The following HLA-DMA variants were observed in gnomAD, a reference collection of about 807,000 sequenced individuals.
The protein encoded by HLA-DMA is major histocompatibility complex, class II, DM alpha, also known as HLA class II histocompatibility antigen, DM alpha chain.
Under a neutral mutation model 27.3 loss-of-function variants are expected in HLA-DMA, and 20 were observed. The ratio of observed to expected loss-of-function variants is 0.73; its 90% confidence interval spans 0.52 to 1.07. The LOEUF (loss-of-function observed/expected upper bound fraction) is 1.07. HLA-DMA is among the 50% of genes least tolerant of loss of function. The pLI is 0.00. For missense variants in HLA-DMA, 241 were observed against 321.7 expected (o/e 0.75, Z 1.92); for synonymous variants, 111 against 126.8 (o/e 0.88, Z 0.83).
chr6:32,950,308 A>G lies in HLA-DMA; in HGVS notation c.373+211T>C, dbSNP rs1375468580. The G allele has an allele frequency of 2.3e-5, 15 of 638,752 alleles. No individual in the cohort carries two copies. The highest frequency in any genetic ancestry group is 3.6e-5 in the Non-Finnish European group (13 of 361,650). The allele number at this position is 638,752 out of a possible 1,614,324, so 39.6% of individuals were successfully genotyped here. A position where few individuals can be genotyped will look rare whatever the true frequency, so the allele number is the denominator to read the frequency against. On this transcript the variant is annotated intron_variant, in intron 2 of 4. Transcript: ENST00000374843. The surrounding 1 kb of genome is among the most constrained non-coding windows in gnomAD (Gnocchi z 5.0). ...GTACCTGTTGAATTCATCACATTCAATACATAGTTCTGAATGCCTACTACA... is the reference window on the plus strand; with the variant it reads ...GTACCTGTTGAATTCATCACATTCAGTACATAGTTCTGAATGCCTACTACA...
chr6:32,950,553 C>G lies in HLA-DMA; in HGVS notation c.339G>C (p.Gly113=), dbSNP rs751738550. ...CCGGGATTTTCCCATCAAGTTTTGG[C>G]CCTATTTGCTGGATCATCCACTCGC... The part of the protein sequence containing the change: ...EFCEWMIQQI[G]PKLDGKIPVS... Residue 113 remains glycine, a synonymous_variant, in exon 2 of 5, where the codon GGG becomes GGC. Coordinates refer to ENST00000374843, the MANE Select transcript of HLA-DMA (RefSeq NM_006120.4). This position sits in a 1 kb window ranked among gnomAD's most constrained non-coding sequence, Gnocchi z 5.0. 9 of 1,613,048 alleles carry G rather than the reference C, an allele frequency of 5.6e-6. No individual in the cohort carries two copies. The Middle Eastern group carries it at 4.9e-4, about 89-fold the overall frequency.
Position 32,950,370 on chromosome 6 carries a change from G to T in HLA-DMA, c.373+149C>A. 2 of 958,372 alleles carry T rather than the reference G, an allele frequency of 2.1e-6. No individual in the cohort carries two copies. Among genetic ancestry groups the T allele is most frequent in the Non-Finnish European group, 3.2e-6 (2 of 622,346 alleles). 59.4% of individuals were successfully genotyped at this position (958,372 alleles called of 1,614,324 possible). On this transcript the variant is annotated intron_variant, in intron 2 of 4. Transcript: ENST00000374843. This position sits in a 1 kb window ranked among gnomAD's most constrained non-coding sequence, Gnocchi z 5.0. ...TCGGCCCACCAAAAGAACACAGGGT[G>T]CAGACCAAGGCTGGTGGAAAAATTA... is the stretch of plus-strand genomic sequence containing the variant.
At position 32,949,920 on chromosome 6, in the gene HLA-DMA, AAG is replaced by A; in HGVS notation, c.374-33_374-32del. 6.2e-7 allele frequency: 1 copy of A among 1,607,574 alleles called. No individual in the cohort carries two copies. Among genetic ancestry groups the A allele is most frequent in the Non-Finnish European group, 8.5e-7 (1 of 1,176,668 alleles). ...GGGGGGATTGAAGTGTAGGGGGAAA[AAG>A]AGACTAGTTTAGATGGTATCTCTGT... On this transcript the variant is annotated intron_variant, in intron 2 of 4. Coordinates refer to ENST00000374843, the MANE Select transcript of HLA-DMA (RefSeq NM_006120.4). This position sits in a 1 kb window ranked among gnomAD's most constrained non-coding sequence, Gnocchi z 5.8.
Position 32,950,409 on chromosome 6 carries a change from A to T in HLA-DMA, c.373+110T>A. ...GTGGAAAAATTAAGGTGATGAAGAG[A>T]ACCAGAAAGTATTTGAGATGGGGAG... On this transcript the variant is annotated intron_variant, in intron 2 of 4. Transcript: ENST00000374843. The surrounding 1 kb of genome is among the most constrained non-coding windows in gnomAD (Gnocchi z 5.0). 1 of 1,337,980 alleles carries T rather than the reference A, an allele frequency of 7.5e-7. No individual in the cohort carries two copies. The highest frequency in any genetic ancestry group is 1.0e-6 in the Non-Finnish European group (1 of 958,288). 82.9% of individuals were successfully genotyped at this position (1,337,980 alleles called of 1,614,324 possible).
intron 1 of HLA-DMA, among the ~76,000 whole-genome samples, chr6:32,951,973 A>G (rs1472905972): frequency 6.6e-6 from 1 of 152,134 alleles, no homozygotes; most frequent in Admixed American, 6.5e-5. Context: ...AAATGTATAT[A>G]TATAAAATAA....
In HLA-DMA at chr6:32,949,969, T is replaced by C. The variant is rs1776824068; in HGVS notation, c.374-80A>G. 1.4e-6 allele frequency: 2 copies of C among 1,398,484 alleles called. No homozygotes were observed. The highest frequency in any genetic ancestry group is 2.3e-5 in the East Asian group (1 of 43,686). The allele number at this position is 1,398,484 out of a possible 1,614,324, so 86.6% of individuals were successfully genotyped here. A position where few individuals can be genotyped will look rare whatever the true frequency, so the allele number is the denominator to read the frequency against. ...CTGTGTTTGGAGGGGCCATGGCATA[T>C]GGAGGGGAGGGCAGAGAAGAACACA... is the stretch of plus-strand genomic sequence containing the variant. On this transcript the variant is annotated intron_variant, in intron 2 of 4. Coordinates refer to ENST00000374843, the MANE Select transcript of HLA-DMA (RefSeq NM_006120.4). The surrounding 1 kb of genome is among the most constrained non-coding windows in gnomAD (Gnocchi z 5.8).
intron 1 of HLA-DMA, chr6:32,952,338 G>T (rs1312646607): frequency 4.2e-6 from 2 of 471,102 alleles, no homozygotes; most frequent in Non-Finnish European, 8.8e-6. Flanking sequence ...CTCTCAAAAT[G>T]TCTTCTGTTC....
chr6:32,948,872 G>A lies in HLA-DMA; in HGVS notation c.782-4C>T, dbSNP rs1477064807. 5.6e-6 allele frequency: 9 copies of A among 1,613,570 alleles called. No homozygotes were observed. The highest frequency in any genetic ancestry group is 1.7e-4 in the Middle Eastern group (1 of 6,040). On this transcript the variant is annotated splice_region_variant and splice_polypyrimidine_tract_variant and intron_variant, in intron 4 of 4. Coordinates refer to ENST00000374843, the MANE Select transcript of HLA-DMA (RefSeq NM_006120.4). ...ACTCTGGTCTGGAAGAATCAGTCTG[G>A]GGGAGAGACAGGGATGGAGGAAAGG...
At position 32,950,341 on chromosome 6, in the gene HLA-DMA, T is replaced by C. The variant is rs1776839229; in HGVS notation, c.373+178A>G. ...TTCTGAATGCCTACTACATGCTAGGTACTTCGGCCCACCAAAAGAACACAG... is the reference window on the plus strand; with the variant it reads ...TTCTGAATGCCTACTACATGCTAGGCACTTCGGCCCACCAAAAGAACACAG... On this transcript the variant is annotated intron_variant, in intron 2 of 4. Coordinates refer to ENST00000374843, the MANE Select transcript of HLA-DMA (RefSeq NM_006120.4). This position sits in a 1 kb window ranked among gnomAD's most constrained non-coding sequence, Gnocchi z 5.0. The C allele has an allele frequency of 1.1e-5, 8 of 733,024 alleles. No individual in the cohort carries two copies. The East Asian group carries it at 2.0e-4, about 18-fold the overall frequency. The allele number at this position is 733,024 out of a possible 1,614,324, so 45.4% of individuals were successfully genotyped here.
chr6:32,951,499 C>A (rs1776897877), intron 1 of HLA-DMA, among the ~76,000 whole-genome samples: 1 of 151,836 alleles, frequency 6.6e-6, no homozygotes, highest in Admixed American at 6.6e-5. Flanking sequence ...GGTGTGGTGG[C>A]AAACACCTGT....
rs1048236515 is a variant in HLA-DMA at position 32,950,192 on chromosome 6, G to C, written c.374-303C>G. 1.7e-6 allele frequency: 1 copy of C among 592,768 alleles called. No individual in the cohort carries two copies. The highest frequency in any genetic ancestry group is 3.0e-6 in the Non-Finnish European group (1 of 334,638). 36.7% of individuals were successfully genotyped at this position (592,768 alleles called of 1,614,324 possible). ...TAACCATGCACTGTCTTCTCACTAA[G>C]ACATAGTCACGTCATCAGATATTTC... On this transcript the variant is annotated intron_variant, in intron 2 of 4. Transcript: ENST00000374843. This position sits in a 1 kb window ranked among gnomAD's most constrained non-coding sequence, Gnocchi z 5.0.
At chr6:32,951,018 T>C (rs909786548) in intron 1 of HLA-DMA, among the ~76,000 whole-genome samples, 10 of 152,090 alleles carry the variant, frequency 6.6e-5, no homozygotes, top group Non-Finnish European at 1.5e-4. Context: ...TAGCTGGGCA[T>C]GTTGGCATGC....
chr6:32,950,201 A>G lies in HLA-DMA; in HGVS notation c.374-312T>C, dbSNP rs1373838188. On this transcript the variant is annotated intron_variant, in intron 2 of 4. Coordinates refer to ENST00000374843, the MANE Select transcript of HLA-DMA (RefSeq NM_006120.4). The surrounding 1 kb of genome is among the most constrained non-coding windows in gnomAD (Gnocchi z 5.0). ...ACTGTCTTCTCACTAAGACATAGTC[A>G]CGTCATCAGATATTTCCACTCTTCC... 3.4e-6 allele frequency: 2 copies of G among 591,564 alleles called. No individual in the cohort carries two copies. The highest frequency in any genetic ancestry group is 3.7e-5 in the African/African-American group (2 of 53,770). The allele number at this position is 591,564 out of a possible 1,614,324, so 36.6% of individuals were successfully genotyped here.
chr6:32,948,697 C>T lies in HLA-DMA; in HGVS notation c.*167G>A. On this transcript the variant is annotated 3_prime_UTR_variant, in exon 5 of 5. Transcript: ENST00000374843. ...AGGCCACTCTGGGATCCCTGGGATG[C>T]AAGCCCAGGGACAGCAGAGTCCCCA... The T allele has an allele frequency of 4.0e-6, 3 of 759,008 alleles. No homozygotes were observed. The highest frequency in any genetic ancestry group is 6.8e-6 in the Non-Finnish European group (3 of 438,130). 47.0% of individuals were successfully genotyped at this position (759,008 alleles called of 1,614,324 possible).
Position 32,950,892 on chromosome 6 carries a change from C to T in HLA-DMA, c.89-89G>A. On this transcript the variant is annotated intron_variant, in intron 1 of 4. Coordinates refer to ENST00000374843, the MANE Select transcript of HLA-DMA (RefSeq NM_006120.4). This position sits in a 1 kb window ranked among gnomAD's most constrained non-coding sequence, Gnocchi z 5.0. The stretch of plus-strand genomic sequence containing the variant: ...CAAGGTGGGGCTAGGCGCAGTGGCT[C>T]ATGCCTGTAATCCCAGCACTTTGGG... The T allele has an allele frequency of 1.5e-6, 2 of 1,360,246 alleles. No individual in the cohort carries two copies. Among genetic ancestry groups the T allele is most frequent in the Non-Finnish European group, 1.0e-6 (1 of 988,250 alleles). 84.3% of individuals were successfully genotyped at this position (1,360,246 alleles called of 1,614,324 possible).
intron 1 of HLA-DMA, 32 bp downstream of exon 1, chr6:32,952,917 C>G: frequency 6.5e-7 from 1 of 1,548,848 alleles, no homozygotes; most frequent in Non-Finnish European, 8.9e-7. Flanking sequence ...TCCCTAGGTT[C>G]AGGATGGAAG....
chr6:32,950,344 T>A lies in HLA-DMA; in HGVS notation c.373+175A>T, dbSNP rs1350492334. On this transcript the variant is annotated intron_variant, in intron 2 of 4. Transcript: ENST00000374843. The surrounding 1 kb of genome is among the most constrained non-coding windows in gnomAD (Gnocchi z 5.0). ...TGAATGCCTACTACATGCTAGGTAC[T>A]TCGGCCCACCAAAAGAACACAGGGT... 5 of 759,192 alleles carry A rather than the reference T, an allele frequency of 6.6e-6. No individual in the cohort carries two copies. The highest frequency in any genetic ancestry group is 1.1e-5 in the Non-Finnish European group (5 of 450,134). 47.0% of individuals were successfully genotyped at this position (759,192 alleles called of 1,614,324 possible). A position where few individuals can be genotyped will look rare whatever the true frequency, so the allele number is the denominator to read the frequency against.
rs1371371625 is a variant in HLA-DMA at position 32,952,297 on chromosome 6, T to C, written c.88+652A>G. ...AAATTGGAAAACCTGTATCCAGACA[T>C]TTCTTCAGCCACTTCATTGGCACCA... On this transcript the variant is annotated intron_variant, in intron 1 of 4. Coordinates refer to ENST00000374843, the MANE Select transcript of HLA-DMA (RefSeq NM_006120.4). 1.3e-5 allele frequency: 6 copies of C among 470,752 alleles called. No homozygotes were observed. In the East Asian group the frequency reaches 2.8e-4, roughly 22 times the overall value. The allele number at this position is 470,752 out of a possible 1,614,324, so 29.2% of individuals were successfully genotyped here. A position where few individuals can be genotyped will look rare whatever the true frequency, so the allele number is the denominator to read the frequency against.
chr6:32,952,373 A>G (rs1776941664), intron 1 of HLA-DMA: 2 of 471,304 alleles, frequency 4.2e-6, no homozygotes, highest in Non-Finnish European at 8.8e-6. Context: ...CCTCCCAAAG[A>G]CAGCAATGGG....
Sources: gnomAD v4.1 joint callset for allele counts (sites outside exome capture counted in the v4.1 genomes callset) on GRCh38, gnomAD v4.1.1 for gene constraint, Gnocchi (gnomAD v3.1) non-coding constraint, MANE v1.5 for transcripts, NCBI Gene and HGNC (gene_info 2026-07-23, HGNC 2026-07-21) for gene names.